The following FARS2 variants were observed in gnomAD, a reference collection of about 807,000 sequenced individuals.
FARS2 encodes phenylalanyl-tRNA synthetase 2, mitochondrial.
Under a neutral mutation model 46.4 loss-of-function variants are expected in FARS2, and 40 were observed. That is an observed-to-expected ratio of 0.86 (90% confidence interval 0.67 to 1.12). FARS2 has a LOEUF of 1.12. FARS2 is among the 50% of genes most tolerant of loss of function. The probability of loss-of-function intolerance (pLI) is 0.00; values close to 1 mark genes in which losing one functional copy is unlikely to be tolerated. For missense variants in FARS2, 513 were observed against 567.9 expected (o/e 0.90, Z 0.98); for synonymous variants, 234 against 214.9 (o/e 1.09, Z -0.78).
At chr6:5,536,820 T>G (rs953015040) in intron 4 of FARS2, among the ~76,000 whole-genome samples, 2 of 152,334 alleles carry the variant, frequency 1.3e-5, no homozygotes, top group South Asian at 2.1e-4. Flanking sequence ...TGTAGAAGCT[T>G]CTTTGAATAG....
chr6:5,429,630 A>T (rs1308144395), intron 3 of FARS2, among the ~76,000 whole-genome samples: 3 of 152,026 alleles, frequency 2.0e-5, no homozygotes, highest in Non-Finnish European at 2.9e-5. Flanking sequence ...ACACAGCGAG[A>T]CCTCATCTCT....
intron 1 of FARS2, among the ~76,000 whole-genome samples, chr6:5,293,904 TGAGAA>T (rs1767670829): frequency 6.6e-6 from 1 of 152,176 alleles, no homozygotes; most frequent in Admixed American, 6.5e-5. Context: ...CTGCCACAGG[TGAGAA>T]GTACTGCAAA....
intron 6 of FARS2, among the ~76,000 whole-genome samples, chr6:5,616,631 T>A (rs1775492667): frequency 6.6e-6 from 1 of 152,252 alleles, no homozygotes; most frequent in Non-Finnish European, 1.5e-5. Flanking sequence ...ACAATATTTT[T>A]AAAAATTTGT....
intron 4 of FARS2, among the ~76,000 whole-genome samples, chr6:5,477,953 G>A (rs542216829): frequency 1.3e-5 from 2 of 152,288 alleles, no homozygotes; most frequent in African/African-American, 4.8e-5. Flanking sequence ...CCAGGAGGTC[G>A]AGGCTGCAGT....
chr6:5,615,682 G>A (rs555256847), intron 6 of FARS2, among the ~76,000 whole-genome samples: 33 of 151,836 alleles, frequency 2.2e-4, no homozygotes, highest in Non-Finnish European at 3.2e-4. Flanking sequence ...GCATATGATC[G>A]CTTTTTTGCC....
chr6:5,444,507 AGAGAGAGG>A (rs551897610), intron 4 of FARS2, among the ~76,000 whole-genome samples: 4,946 of 130,780 alleles, frequency 0.038, 190 homozygotes, highest in African/African-American at 0.071. Flanking sequence ...AGAGAGAGAG[AGAGAGAGG>A]AAAAAATCTT....
intron 1 of FARS2, among the ~76,000 whole-genome samples, chr6:5,359,172 T>G (rs1758142135): frequency 6.6e-6 from 1 of 151,694 alleles, no homozygotes. Flanking sequence ...CCCCAGTAGC[T>G]GGAATTACAG....
At chr6:5,303,528 T>G (rs1301645020) in intron 1 of FARS2, among the ~76,000 whole-genome samples, 1 of 152,046 alleles carries the variant, frequency 6.6e-6, no homozygotes, top group Non-Finnish European at 1.5e-5. Context: ...GGAGAGCCGC[T>G]CCTGCCCTCC....
chr6:5,488,002 T>C (rs1225590094), intron 4 of FARS2, among the ~76,000 whole-genome samples: 1 of 152,224 alleles, frequency 6.6e-6, no homozygotes, highest in Non-Finnish European at 1.5e-5. Flanking sequence ...TATTCTCTCC[T>C]TGAAGCAGTG....
intron 1 of FARS2, among the ~76,000 whole-genome samples, chr6:5,288,385 C>G (rs17140102): frequency 0.12 from 18,006 of 152,252 alleles, 1,176 homozygotes; most frequent in Non-Finnish European, 0.14. Flanking sequence ...AAACACCAAT[C>G]CCTCCTGCTT....
intron 6 of FARS2, among the ~76,000 whole-genome samples, chr6:5,698,874 T>A (rs1200882471): frequency 1.3e-5 from 2 of 152,084 alleles, no homozygotes; most frequent in African/African-American, 4.8e-5. Flanking sequence ...ACAGAGCTGG[T>A]CTGTGGGGGA....
At chr6:5,707,226 G>A (rs1185556703) in intron 6 of FARS2, among the ~76,000 whole-genome samples, 1 of 152,162 alleles carries the variant, frequency 6.6e-6, no homozygotes, top group African/African-American at 2.4e-5. Context: ...AGCCGAGCTG[G>A]CAATGAGGGT....
chr6:5,420,141 G>A (rs1762463488), intron 3 of FARS2, among the ~76,000 whole-genome samples: 1 of 152,126 alleles, frequency 6.6e-6, no homozygotes. Flanking sequence ...CAACTCTTGT[G>A]AGACTTATTC....
intron 3 of FARS2, among the ~76,000 whole-genome samples, chr6:5,415,916 A>C (rs1762213507): frequency 6.6e-6 from 1 of 152,144 alleles, no homozygotes; most frequent in African/African-American, 2.4e-5. Flanking sequence ...TATATTGTCC[A>C]GGCTGGTCTT....
At chr6:5,390,497 A>C (rs920667560) in intron 2 of FARS2, among the ~76,000 whole-genome samples, 1 of 152,178 alleles carries the variant, frequency 6.6e-6, no homozygotes, top group African/African-American at 2.4e-5. Flanking sequence ...GTTTTCTATG[A>C]CACATCATCT....
At chr6:5,649,549 G>A (rs1457661790) in intron 6 of FARS2, among the ~76,000 whole-genome samples, 1 of 152,214 alleles carries the variant, frequency 6.6e-6, no homozygotes, top group Non-Finnish European at 1.5e-5. Context: ...GGATACTGTG[G>A]TGTTCGCCCT....
chr6:5,372,729 CA>C (rs1759135675), intron 2 of FARS2, among the ~76,000 whole-genome samples: 1 of 152,092 alleles, frequency 6.6e-6, no homozygotes, highest in Non-Finnish European at 1.5e-5. Flanking sequence ...ATAGTCACTT[CA>C]TTATGGAGAA....
At chr6:5,400,118 G>A (rs1329048307) in intron 2 of FARS2, among the ~76,000 whole-genome samples, 1 of 152,126 alleles carries the variant, frequency 6.6e-6, no homozygotes, top group Non-Finnish European at 1.5e-5. Context: ...CAAAGCCTCA[G>A]CGTATTCAAA....
At chr6:5,468,847 G>A (rs1168824061) in intron 4 of FARS2, among the ~76,000 whole-genome samples, 1 of 152,212 alleles carries the variant, frequency 6.6e-6, no homozygotes, top group Non-Finnish European at 1.5e-5. Flanking sequence ...GGTAATGTAT[G>A]GGAGATGTTC....
Sources: allele counts gnomAD v4.1 joint callset (sites outside exome capture counted in the v4.1 genomes callset), GRCh38; gene constraint gnomAD v4.1.1; transcripts MANE v1.5; gene names NCBI Gene and HGNC (gene_info 2026-07-23, HGNC 2026-07-21).